The following MORC1 variants were observed in gnomAD, a reference collection of about 807,000 sequenced individuals.
The protein encoded by MORC1 is MORC family CW-type zinc finger 1, also known as MORC family CW-type zinc finger protein 1.
MORC1 carries 59 observed loss-of-function variants against 134.9 expected under a neutral mutation model. The ratio of observed to expected loss-of-function variants is 0.44; its 90% CI spans 0.35 to 0.54. The LOEUF is 0.54. Among genes scored for constraint, MORC1 ranks in the 20% least tolerant of loss-of-function variants. The pLI is 0.00. For missense variants in MORC1, 947 were observed against 1,134.5 expected (o/e 0.83, Z 2.37); for synonymous variants, 395 against 391.7 (o/e 1.01, Z -0.10).
At chr3:109,087,081 T>C (rs556269207) in intron 8 of MORC1, among the ~76,000 whole-genome samples, 1 of 152,144 alleles carries the variant, frequency 6.6e-6, no homozygotes, top group African/African-American at 2.4e-5. Context: ...TTCAATGAGT[T>C]AATATTTGTA....
chr3:109,043,496 T>C (rs1288752392), intron 14 of MORC1, among the ~76,000 whole-genome samples: 1 of 152,138 alleles, frequency 6.6e-6, no homozygotes, highest in African/African-American at 2.4e-5. Context: ...GTAGTGACAG[T>C]TGTACAGCAT....
At chr3:108,999,261 C>T (rs935335375) in intron 21 of MORC1, among the ~76,000 whole-genome samples, 1 of 152,090 alleles carries the variant, frequency 6.6e-6, no homozygotes, top group Non-Finnish European at 1.5e-5. Flanking sequence ...TATGTCTGCA[C>T]CTTTTTAACA....
At chr3:109,068,611 G>C (rs1245253540) in intron 9 of MORC1, among the ~76,000 whole-genome samples, 1 of 152,104 alleles carries the variant, frequency 6.6e-6, no homozygotes, top group Non-Finnish European at 1.5e-5. Context: ...TCCACCTGTT[G>C]ACTGATGGGC....
At chr3:109,082,767 T>C (rs1404981261) in intron 8 of MORC1, among the ~76,000 whole-genome samples, 1 of 151,902 alleles carries the variant, frequency 6.6e-6, no homozygotes. Flanking sequence ...GAAACAAAGA[T>C]GCCTACAAGA....
At chr3:109,099,226 T>TC (rs1202434884) in intron 6 of MORC1, 132 bp downstream of exon 6, 1 of 635,064 alleles carries the variant, frequency 1.6e-6, no homozygotes, top group African/African-American at 1.9e-5. Flanking sequence ...ATACCTTCTC[T>TC]CCATTTCCCA....
chr3:108,979,240 G>T lies in MORC1; in HGVS notation c.2477+275C>A, dbSNP rs568418349. On this transcript the variant is annotated intron_variant, in intron 24 of 27. Coordinates refer to ENST00000232603, the MANE Select transcript of MORC1 (RefSeq NM_014429.4). ...ATAAGAGCCTTTGTTGGGGAAAAAA[G>T]AAAGAAAATTCAGTAAAAATTATTT... is the stretch of plus-strand genomic sequence containing the variant. Among the ~76,000 whole-genome samples, 273 of 152,180 alleles carry T rather than the reference G, an allele frequency of 1.8e-3. 6 individuals carry two copies. The highest frequency in any genetic ancestry group is 6.3e-3 in the African/African-American group (263 of 41,532).
chr3:109,113,637 T>C (rs995889023), intron 2 of MORC1, among the ~76,000 whole-genome samples: 4 of 151,008 alleles, frequency 2.6e-5, no homozygotes, highest in African/African-American at 7.3e-5. Context: ...AATACCAATA[T>C]AAAACACGTC....
intron 26 of MORC1, among the ~76,000 whole-genome samples, chr3:108,968,255 A>G (rs1009076930): frequency 6.6e-6 from 1 of 152,248 alleles, no homozygotes; most frequent in African/African-American, 2.4e-5. Flanking sequence ...TTCAAAAAAT[A>G]AATTCACTTT....
chr3:109,053,668 G>T (rs1949882611), intron 14 of MORC1, among the ~76,000 whole-genome samples: 1 of 152,080 alleles, frequency 6.6e-6, no homozygotes, highest in Non-Finnish European at 1.5e-5. Context: ...TACCTATTGG[G>T]TACTATGCTC....
intron 11 of MORC1, among the ~76,000 whole-genome samples, chr3:109,061,264 A>T (rs1028263533): frequency 6.6e-6 from 1 of 152,204 alleles, no homozygotes; most frequent in Non-Finnish European, 1.5e-5. Context: ...AAGCAAATAA[A>T]TATGTTGCTT....
chr3:108,974,795 T>C (rs1400567781), intron 24 of MORC1, among the ~76,000 whole-genome samples: 11 of 152,230 alleles, frequency 7.2e-5, no homozygotes, highest in Admixed American at 5.2e-4. Context: ...AAGAAATAAA[T>C]ATCTTAAAGA....
chr3:108,989,894 A>G lies in MORC1; in HGVS notation c.2188-2945T>C, dbSNP rs1947999361. Among the ~76,000 whole-genome samples the G allele has an allele frequency of 2.0e-5, 3 of 152,132 alleles. No homozygotes were observed. The South Asian group carries it at 6.2e-4, about 32-fold the overall frequency. On this transcript the variant is annotated intron_variant, in intron 21 of 27. Coordinates refer to ENST00000232603, the MANE Select transcript of MORC1 (RefSeq NM_014429.4). Reference sequence around the variant, plus strand: ...ATATGGTTTGGCTGTGTCCCCACCCAAATCTCATCTTGAATTGTAGCTCCC... The same window carrying G: ...ATATGGTTTGGCTGTGTCCCCACCCGAATCTCATCTTGAATTGTAGCTCCC...
intron 14 of MORC1, among the ~76,000 whole-genome samples, chr3:109,050,288 G>A (rs13099551): frequency 0.023 from 3,466 of 152,290 alleles, 63 homozygotes; most frequent in Middle Eastern, 0.11. Flanking sequence ...AGACTAAGTG[G>A]CTTATAAATA....
Position 109,095,018 on chromosome 3 carries a change from T to G in MORC1, c.474A>C (p.Thr158=), listed in dbSNP as rs115972041. Residue 158 remains threonine, a synonymous_variant, in exon 7 of 28, where the codon ACA becomes ACC. Transcript: ENST00000232603. ...CCATTGCAAATTTCTGGGGATCATC[T>G]GTGACAGATTCTCTGGTTCTTATTA... The part of the protein sequence containing the change: ...SWLIRTRESV[T]DDPQKFAMEL... The G allele has an allele frequency of 1.9e-6, 3 of 1,593,174 alleles. No individual in the cohort carries two copies. Among genetic ancestry groups the G allele is most frequent in the Non-Finnish European group, 2.6e-6 (3 of 1,174,160 alleles).
intron 8 of MORC1, among the ~76,000 whole-genome samples, chr3:109,073,476 A>G (rs980445913): frequency 4.6e-5 from 7 of 152,170 alleles, no homozygotes; most frequent in Admixed American, 6.5e-5. Context: ...AGGTTGCCAC[A>G]AAGAGGGGAG....
At chr3:108,990,150 A>T (rs1422085591) in intron 21 of MORC1, among the ~76,000 whole-genome samples, 1 of 152,170 alleles carries the variant, frequency 6.6e-6, no homozygotes, top group Non-Finnish European at 1.5e-5. Context: ...CTTTCTTTAT[A>T]AATTATCCAG....
At chr3:108,984,810 C>T (rs1207615485) in intron 22 of MORC1, 28 bp from the exon 23 acceptor site, 2 of 1,572,202 alleles carry the variant, frequency 1.3e-6, no homozygotes, top group African/African-American at 1.4e-5. Context: ...CAAACAATCG[C>T]ATTTGGATGA....
At chr3:108,978,040 G>C (rs1204140048) in intron 24 of MORC1, among the ~76,000 whole-genome samples, 2 of 152,096 alleles carry the variant, frequency 1.3e-5, no homozygotes, top group Non-Finnish European at 2.9e-5. Context: ...ACCCTGACTG[G>C]CTAATTTTTT....
At chr3:109,078,131 T>C (rs1193140823) in intron 8 of MORC1, among the ~76,000 whole-genome samples, 1 of 151,970 alleles carries the variant, frequency 6.6e-6, no homozygotes, top group African/African-American at 2.4e-5. Flanking sequence ...CAATAAATAT[T>C]GTAGAAGATT....
Sources: allele counts gnomAD v4.1 joint callset (sites outside exome capture counted in the v4.1 genomes callset), GRCh38; gene constraint gnomAD v4.1.1; transcripts MANE v1.5; gene names NCBI Gene and HGNC (gene_info 2026-07-23, HGNC 2026-07-21).